The following MDM1 variants were observed in gnomAD, a reference collection of about 807,000 sequenced individuals.
The protein encoded by MDM1 is Mdm1 nuclear protein.
In MDM1, 61 loss-of-function variants were observed where a neutral mutation model predicts 89.1. That is an observed-to-expected ratio of 0.68 (90% CI 0.56 to 0.85). The LOEUF (loss-of-function observed/expected upper bound fraction) is 0.85, where lower values mean the gene tolerates loss of function less well. Ranked by LOEUF, MDM1 falls within the 40% of genes least tolerant of loss-of-function variation. The pLI is 0.00. For missense variants in MDM1, 820 were observed against 846.5 expected, an observed-to-expected ratio of 0.97 and a Z score of 0.39; for synonymous variants, 290 against 294.1, an observed-to-expected ratio of 0.99 and a Z score of 0.14.
chr12:68,325,039 C>A (rs773682223), intron 4 of MDM1: 110 of 978,540 alleles, frequency 1.1e-4, no homozygotes, highest in Non-Finnish European at 1.3e-4. Context: ...ATTAAATATT[C>A]AAAGCAGTTA....
chr12:68,297,052 A>C, intron 13 of MDM1, 70 bp from the exon 14 acceptor site: 2 of 1,092,968 alleles, frequency 1.8e-6, no homozygotes, highest in South Asian at 3.7e-5. Flanking sequence ...ATTATATACT[A>C]AACTGTTAGT....
chr12:68,317,820 A>T (rs1874697998), intron 7 of MDM1, among the ~76,000 whole-genome samples: 1 of 152,160 alleles, frequency 6.6e-6, no homozygotes, highest in African/African-American at 2.4e-5. Flanking sequence ...AAGTGCCTCG[A>T]TATACTCCAG....
chr12:68,311,930 A>G (rs1339135603), intron 12 of MDM1, among the ~76,000 whole-genome samples: 1 of 152,078 alleles, frequency 6.6e-6, no homozygotes, highest in Non-Finnish European at 1.5e-5. Context: ...CTGATAAGCA[A>G]TTGTCCTATC....
At position 68,326,801 on chromosome 12, in the gene MDM1, T is replaced by C. The variant is rs1398367602; in HGVS notation, c.354A>G (p.Arg118=). 3 of 1,614,044 alleles carry C rather than the reference T, an allele frequency of 1.9e-6. No homozygotes were observed. Among genetic ancestry groups the C allele is most frequent in the Non-Finnish European group, 1.7e-6 (2 of 1,179,962 alleles). The change falls in exon 3 of 15, where the codon AGA becomes AGG. Residue 118 remains arginine, a synonymous_variant. Coordinates refer to ENST00000682720, the MANE Select transcript of MDM1 (RefSeq NM_001354969.2). ...TGGAGTCTGCAGAGTGAGATCTGGT[T>C]CTTTTGGGAACCCTGGAAGCTTCTA... ...HSLEASRVPK[R]TRSHSADSRA...
intron 2 of MDM1, among the ~76,000 whole-genome samples, chr12:68,328,395 C>T (rs1876318076): frequency 6.6e-6 from 1 of 152,060 alleles, no homozygotes; most frequent in South Asian, 2.1e-4. Flanking sequence ...CTAATTTGGC[C>T]GGTTAGTTTG....
intron 12 of MDM1, among the ~76,000 whole-genome samples, chr12:68,308,307 G>A (rs772164971): frequency 6.6e-6 from 1 of 152,120 alleles, no homozygotes; most frequent in African/African-American, 2.4e-5. Context: ...TGTAATTTTA[G>A]TAGAGACAGG....
intron 3 of MDM1, chr12:68,325,829 A>ATAATAC: frequency 9.0e-7 from 1 of 1,109,674 alleles, no homozygotes; most frequent in Non-Finnish European, 1.1e-6. Context: ...CAGGAAAAAT[A>ATAATAC]TAATACTCTC....
intron 2 of MDM1, among the ~76,000 whole-genome samples, chr12:68,330,347 C>T (rs189768624): frequency 6.6e-6 from 1 of 152,262 alleles, no homozygotes; most frequent in East Asian, 1.9e-4. Flanking sequence ...ATTTCTATAA[C>T]CAGTTACGGG....
Position 68,313,501 on chromosome 12 carries a change from T to C in MDM1, c.1691A>G (p.Gln564Arg). Residue 564 changes from glutamine to arginine, a missense_variant, in exon 12 of 15, where the codon CAG becomes CGG. Gln to Arg is a conservative substitution (Grantham distance 43). Transcript: ENST00000682720. ...PSKMKPPAPEQRKRMTSQDCL... is the reference protein window; with the variant it reads ...PSKMKPPAPERRKRMTSQDCL... ...ATCCTGAGAGGTCATTCTTTTCCTC[T>C]GTTCTGGGGCTGGAGGCTTCATCTT... The C allele has an allele frequency of 1.2e-6, 2 of 1,614,124 alleles. No homozygotes were observed. The highest frequency in any genetic ancestry group is 1.7e-6 in the Non-Finnish European group (2 of 1,179,940).
chr12:68,299,264 C>G (rs55816538), intron 13 of MDM1, among the ~76,000 whole-genome samples: 4 of 152,014 alleles, frequency 2.6e-5, no homozygotes, highest in Non-Finnish European at 4.4e-5. Flanking sequence ...ATCACACTCA[C>G]TCTCCAGTAA....
intron 7 of MDM1, among the ~76,000 whole-genome samples, chr12:68,320,441 G>A (rs1875065553): frequency 6.6e-6 from 1 of 152,178 alleles, no homozygotes; most frequent in Non-Finnish European, 1.5e-5. Context: ...GTGACCTCCT[G>A]AAACAATATG....
chr12:68,327,408 ATTTGGAACT>A lies in MDM1; in HGVS notation c.134-396_134-388del. The A allele has an allele frequency of 2.6e-6, 4 of 1,535,768 alleles. No homozygotes were observed. The South Asian group carries it at 4.8e-5, about 18-fold the overall frequency. On this transcript the variant is annotated intron_variant, in intron 2 of 14. Transcript: ENST00000682720. ...AACAATGGGCCCTGGTACTGTCAAAATTTGGAACTTTTCACAAAGCTTCTCTTATGTGGA... is the reference window on the plus strand; with the variant it reads ...AACAATGGGCCCTGGTACTGTCAAAATTTCACAAAGCTTCTCTTATGTGGA...
At chr12:68,306,977 T>C (rs1264534854) in intron 12 of MDM1, among the ~76,000 whole-genome samples, 1 of 152,142 alleles carries the variant, frequency 6.6e-6, no homozygotes, top group African/African-American at 2.4e-5. Flanking sequence ...AAAGAAAATG[T>C]AGTACATATA....
Position 68,323,217 on chromosome 12 carries a change from A to C in MDM1, c.657T>G (p.Phe219Leu). ...ANQVFHNKSQ[F>L]VPPFKGNSVI... ...CTGAGTTACCTTTGAATGGTGGAAC[A>C]AACTGGCTTTTATTGTGGAAAACCT... Residue 219 changes from phenylalanine to leucine, a missense_variant, in exon 5 of 15, where the codon TTT becomes TTG. Transcript: ENST00000682720. 1 of 1,584,290 alleles carries C rather than the reference A, an allele frequency of 6.3e-7. No homozygotes were observed. The highest frequency in any genetic ancestry group is 8.5e-7 in the Non-Finnish European group (1 of 1,170,986).
chr12:68,322,995 T>C, intron 5 of MDM1, 78 bp downstream of exon 5: 2 of 1,391,282 alleles, frequency 1.4e-6, no homozygotes, highest in South Asian at 1.3e-5. Context: ...AACTCCCAGG[T>C]GGTAGTAAGT....
chr12:68,307,511 C>T (rs1248385183), intron 12 of MDM1, among the ~76,000 whole-genome samples: 1 of 152,088 alleles, frequency 6.6e-6, no homozygotes, highest in African/African-American at 2.4e-5. Context: ...CATGGTGGCA[C>T]ATATCTGTGG....
Position 68,325,446 on chromosome 12 carries a change from T to C in MDM1, c.628A>G (p.Asn210Asp), listed in dbSNP as rs374381882. The C allele has an allele frequency of 1.3e-6, 2 of 1,571,358 alleles. No homozygotes were observed. Among genetic ancestry groups the C allele is most frequent in the African/African-American group, 2.7e-5 (2 of 73,070 alleles). Residue 210 changes from asparagine (N) to aspartate (D), a missense_variant, in exon 4 of 15, where the codon AAT becomes GAT. Physicochemically the swap from Asn to Asp is conservative, Grantham distance 23. Coordinates refer to ENST00000682720, the MANE Select transcript of MDM1 (RefSeq NM_001354969.2). ...TATTACATCCATTAAGCTACCTGAT[T>C]GGCTGCAAAAGCTGGAGCAGTTTCT... Reference protein sequence around the residue: ...SKETAPAFAANQVFHNKSQFV... With the variant: ...SKETAPAFAADQVFHNKSQFV...
At chr12:68,303,712 AAT>A (rs1199270725) in intron 12 of MDM1, among the ~76,000 whole-genome samples, 4 of 152,244 alleles carry the variant, frequency 2.6e-5, no homozygotes, top group African/African-American at 7.2e-5. Context: ...ATGATGTGAA[AAT>A]ATGTTAACAG....
At chr12:68,312,677 A>G (rs1214620161) in intron 12 of MDM1, among the ~76,000 whole-genome samples, 1 of 152,202 alleles carries the variant, frequency 6.6e-6, no homozygotes, top group East Asian at 1.9e-4. Context: ...CACTGCATAC[A>G]GAAAAAAATT....
Sources: allele counts gnomAD v4.1 joint callset (sites outside exome capture counted in the v4.1 genomes callset), GRCh38; gene constraint gnomAD v4.1.1; transcripts MANE v1.5; gene names NCBI Gene and HGNC (gene_info 2026-07-23, HGNC 2026-07-21).